The following SBK3 variants were observed in gnomAD, a reference collection of about 807,000 sequenced individuals.
SBK3 encodes SH3 domain binding kinase family member 3, also known as uncharacterized serine/threonine-protein kinase SBK3.
A neutral mutation model predicts 12.7 loss-of-function variants in SBK3; 16 were observed. The observed-to-expected ratio is 1.26, with a 90% CI of 0.86 to 1.92. SBK3 has a LOEUF of 1.92. Ranked by LOEUF, SBK3 falls within the 40% of genes most tolerant of loss-of-function variation. The pLI, the probability that SBK3 is intolerant of heterozygous loss-of-function variation, is 0.00. For missense variants in SBK3, 462 were observed against 481.8 expected (o/e 0.96, Z 0.38); for synonymous variants, 217 against 213.6 (o/e 1.02, Z -0.14).
Position 55,544,315 on chromosome 19 carries a change from T to C in SBK3, c.197-13A>G. 1 of 1,533,982 alleles carries C rather than the reference T, an allele frequency of 6.5e-7. No individual in the cohort carries two copies. The highest frequency in any genetic ancestry group is 1.2e-5 in the South Asian group (1 of 83,890). The stretch of plus-strand genomic sequence containing the variant: ...GCCACAGCTGGACCTGCCAGGGAGA[T>C]GGGTCGGAGGGACACTCAGGCGGCT... On this transcript the variant is annotated splice_polypyrimidine_tract_variant and intron_variant, in intron 2 of 3. Transcript: ENST00000612221.
In SBK3 at chr19:55,541,034, G is replaced by C. The variant is rs35844194; in HGVS notation, c.892C>G (p.Leu298Val). 10 of 1,535,996 alleles carry C rather than the reference G, an allele frequency of 6.5e-6. No individual in the cohort carries two copies. Among genetic ancestry groups the C allele is most frequent in the South Asian group, 4.8e-5 (4 of 84,054 alleles). Residue 298 changes from leucine (L) to valine (V), a missense_variant, in exon 4 of 4, where the codon CTG becomes GTG. Leu to Val is a conservative substitution (Grantham distance 32). Transcript: ENST00000612221. The surrounding 1 kb of genome is among the most constrained non-coding windows in gnomAD (Gnocchi z 5.3). ...DLDPETRSPPLAVLDFLGDDW... is the reference protein window; with the variant it reads ...DLDPETRSPPVAVLDFLGDDW... ...TCCCCCAGGAAGTCCAGGACAGCCA[G>C]TGGGGGGCTCCTAGTCTCGGGATCC...
chr19:55,545,371 G>A lies in SBK3; in HGVS notation c.45+128C>T. ...GATCTCTGTCATCCTCTCTCCCTGG[G>A]TCTGGGTCTCTGAGGTCTTTGCGTT... On this transcript the variant is annotated intron_variant, in intron 1 of 3. Coordinates refer to ENST00000612221, the MANE Select transcript of SBK3 (RefSeq NM_001199824.2). The surrounding 1 kb of genome is among the most constrained non-coding windows in gnomAD (Gnocchi z 4.4). 1 of 734,602 alleles carries A rather than the reference G, an allele frequency of 1.4e-6. No homozygotes were observed. Among genetic ancestry groups the A allele is most frequent in the Non-Finnish European group, 2.3e-6 (1 of 443,592 alleles). The allele number at this position is 734,602 out of a possible 1,614,324, so 45.5% of individuals were successfully genotyped here.
chr19:55,543,304 TCATCCATCCATC>T (rs58908017), intron 3 of SBK3, among the ~76,000 whole-genome samples: 1 of 50,604 alleles, frequency 2.0e-5, no homozygotes, highest in African/African-American at 1.2e-4. Flanking sequence ...ACCAATCCTT[TCATCCATCCATC>T]CATCCATCCA....
intron 2 of SBK3, among the ~76,000 whole-genome samples, 180 bp downstream of exon 2, chr19:55,544,619 C>T (rs578034740): frequency 3.9e-5 from 6 of 152,260 alleles, no homozygotes; most frequent in South Asian, 4.1e-4. Flanking sequence ...GGCAGTCCCT[C>T]GCCCTCTCTG....
In SBK3 at chr19:55,545,502, T is replaced by C. The variant is rs1194450133; in HGVS notation, c.42A>G (p.Pro14=). The change falls in exon 1 of 4, where the codon CCA becomes CCG. Residue 14 remains proline (P), a synonymous_variant. Transcript: ENST00000612221. The surrounding 1 kb of genome is among the most constrained non-coding windows in gnomAD (Gnocchi z 4.4). ...RASETPEDGD[P]EEDTATALQR... Reference sequence around the variant, plus strand: ...TCCCCTGGCTCCCGTCTCTCACCTCTGGGTCCCCATCCTCAGGGGTCTCGG... The same window carrying C: ...TCCCCTGGCTCCCGTCTCTCACCTCCGGGTCCCCATCCTCAGGGGTCTCGG... 1 of 1,534,030 alleles carries C rather than the reference T, an allele frequency of 6.5e-7. No homozygotes were observed. The highest frequency in any genetic ancestry group is 2.4e-5 in the East Asian group (1 of 40,820).
intron 3 of SBK3, among the ~76,000 whole-genome samples, chr19:55,542,846 ACCCACCAATCCT>A (rs2086662905): frequency 1.4e-5 from 2 of 143,316 alleles, no homozygotes; most frequent in Admixed American, 6.9e-5. Flanking sequence ...CCGTCCATCC[ACCCACCAATCCT>A]TCCTTCCATC....
At position 55,544,797 on chromosome 19, in the gene SBK3, A is replaced by AC. The variant is rs1266498385; in HGVS notation, c.196+1dup. ...AGGCTGCCCTTGGGTGGCTGAACTCACCCCCCTGGTGAGGCTGGGCAAGGA... is the reference window on the plus strand; with the variant it reads ...AGGCTGCCCTTGGGTGGCTGAACTCACCCCCCCTGGTGAGGCTGGGCAAGGA... On this transcript the variant is annotated splice_donor_variant, in intron 2 of 3. Transcript: ENST00000612221. LOFTEE classifies it high-confidence loss of function. 2 of 1,490,708 alleles carry AC rather than the reference A, an allele frequency of 1.3e-6. No homozygotes were observed. The highest frequency in any genetic ancestry group is 1.8e-6 in the Non-Finnish European group (2 of 1,124,882). 92.3% of individuals were successfully genotyped at this position (1,490,708 alleles called of 1,614,324 possible).
Position 55,541,377 on chromosome 19 carries a change from G to A in SBK3, c.549C>T (p.Asp183=). 6.5e-7 allele frequency: 1 copy of A among 1,535,740 alleles called. No homozygotes were observed. Among genetic ancestry groups the A allele is most frequent in the Non-Finnish European group, 8.7e-7 (1 of 1,146,772 alleles). The stretch of plus-strand genomic sequence containing the variant: ...TGCCCTCTGGCCGGGTCAGACCCAG[G>A]TCTCCCAGGGCCACACGGCTGCAGA... ...DPVCSRVALG[D]LGLTRPEGSP... Residue 183 remains aspartate, a synonymous_variant, in exon 4 of 4, where the codon GAC becomes GAT. Transcript: ENST00000612221. This position sits in a 1 kb window ranked among gnomAD's most constrained non-coding sequence, Gnocchi z 5.3.
In SBK3 at chr19:55,544,244, C is replaced by T. The variant is rs1367509821; in HGVS notation, c.255G>A (p.Leu85=). Reference sequence around the variant, plus strand: ...CGCAGCGGCCCACACAGAACTCCCTCAGGAAGGTGCTTCTCAGGACCAAAT... The same window carrying T: ...CGCAGCGGCCCACACAGAACTCCCTTAGGAAGGTGCTTCTCAGGACCAAAT... ...RRDLVLRSTF[L]REFCVGRCVS... is the part of the protein sequence containing the mutation. The change falls in exon 3 of 4, where the codon CTG becomes CTA. Residue 85 remains leucine, a synonymous_variant. Coordinates refer to ENST00000612221, the MANE Select transcript of SBK3 (RefSeq NM_001199824.2). 14 of 1,535,994 alleles carry T rather than the reference C, an allele frequency of 9.1e-6. No homozygotes were observed. Among genetic ancestry groups the T allele is most frequent in the Non-Finnish European group, 1.1e-5 (13 of 1,146,868 alleles).
chr19:55,544,109 C>G lies in SBK3; in HGVS notation c.390G>C (p.Leu130=), dbSNP rs371877016. The G allele has an allele frequency of 1.2e-4, 176 of 1,491,038 alleles. 1 individual carries two copies. In the African/African-American group the frequency reaches 2.2e-3, roughly 19 times the overall value. 92.4% of individuals were successfully genotyped at this position (1,491,038 alleles called of 1,614,324 possible). ...TCCCTCGTGGCCTCACCCTTTCCTG[C>G]AGCATCCCGCTGAGGTCCCCACAGG... ...YAPCGDLSGM[L]QERGLPELLV... The change falls in exon 3 of 4, where the codon CTG becomes CTC. Residue 130 remains leucine, a synonymous_variant. Transcript: ENST00000612221.
rs1988551291 is a variant in SBK3 at position 55,541,080 on chromosome 19, C to T, written c.846G>A (p.Leu282=). ...WDQFAPPALA[L]LQGLLDLDPE... ...GATCCAGGTCCAGAAGCCCCTGGAGCAAGGCCAGGGCTGGGGGCGCAAACT... is the reference window on the plus strand; with the variant it reads ...GATCCAGGTCCAGAAGCCCCTGGAGTAAGGCCAGGGCTGGGGGCGCAAACT... The change falls in exon 4 of 4, where the codon TTG becomes TTA. Residue 282 remains leucine (L), a synonymous_variant. Coordinates refer to ENST00000612221, the MANE Select transcript of SBK3 (RefSeq NM_001199824.2). The surrounding 1 kb of genome is among the most constrained non-coding windows in gnomAD (Gnocchi z 5.3). The T allele has an allele frequency of 6.5e-7, 1 of 1,535,862 alleles. No individual in the cohort carries two copies. Among genetic ancestry groups the T allele is most frequent in the African/African-American group, 1.4e-5 (1 of 73,030 alleles).
chr19:55,543,298 A>G (rs926870006), intron 3 of SBK3, among the ~76,000 whole-genome samples: 3 of 123,288 alleles, frequency 2.4e-5, no homozygotes, highest in African/African-American at 1.0e-4. Context: ...TCACCCACCA[A>G]TCCTTTCATC....
Position 55,540,821 on chromosome 19 carries a change from C to T in SBK3, c.*25G>A. ...GGGGGAAGGGCCTCTGGCCCAGGCTCTGGCCACCTGTCTCTGTCACCTGGT... is the reference window on the plus strand; with the variant it reads ...GGGGGAAGGGCCTCTGGCCCAGGCTTTGGCCACCTGTCTCTGTCACCTGGT... On this transcript the variant is annotated 3_prime_UTR_variant, in exon 4 of 4. Coordinates refer to ENST00000612221, the MANE Select transcript of SBK3 (RefSeq NM_001199824.2). 1 of 1,533,004 alleles carries T rather than the reference C, an allele frequency of 6.5e-7. No homozygotes were observed. Among genetic ancestry groups the T allele is most frequent in the Non-Finnish European group, 8.7e-7 (1 of 1,144,140 alleles). The allele number at this position is 1,533,004 out of a possible 1,614,324, so 95.0% of individuals were successfully genotyped here. A position where few individuals can be genotyped will look rare whatever the true frequency, so the allele number is the denominator to read the frequency against.
chr19:55,544,790 TG>T lies in SBK3; in HGVS notation c.196+8del. 6.7e-7 allele frequency: 1 copy of T among 1,486,716 alleles called. No homozygotes were observed. Among genetic ancestry groups the T allele is most frequent in the Non-Finnish European group, 8.9e-7 (1 of 1,122,818 alleles). 92.1% of individuals were successfully genotyped at this position (1,486,716 alleles called of 1,614,324 possible). On this transcript the variant is annotated splice_region_variant and intron_variant, in intron 2 of 3. Transcript: ENST00000612221. ...GTTGGGGAGGCTGCCCTTGGGTGGC[TG>T]AACTCACCCCCCTGGTGAGGCTGGG...
At chr19:55,543,017 C>G (rs1395006063) in intron 3 of SBK3, among the ~76,000 whole-genome samples, 1 of 124,762 alleles carries the variant, frequency 8.0e-6, no homozygotes, top group Non-Finnish European at 1.7e-5. Flanking sequence ...CCCGTCCACT[C>G]AACCAATCCT....
Position 55,545,314 on chromosome 19 carries a change from T to G in SBK3, c.45+185A>C, listed in dbSNP as rs1988651391. On this transcript the variant is annotated intron_variant, in intron 1 of 3. Transcript: ENST00000612221. The surrounding 1 kb of genome is among the most constrained non-coding windows in gnomAD (Gnocchi z 4.4). ...CGCTGTGTGTTTCTGAGTCCAATTC[T>G]CTGGGGGCCTTGGTCTCGCTGTGTG... 1 of 601,414 alleles carries G rather than the reference T, an allele frequency of 1.7e-6. No individual in the cohort carries two copies. The highest frequency in any genetic ancestry group is 3.0e-5 in the Admixed American group (1 of 33,594). 37.3% of individuals were successfully genotyped at this position (601,414 alleles called of 1,614,324 possible).
intron 3 of SBK3, 100 bp downstream of exon 3, chr19:55,544,000 C>T (rs527261123): frequency 1.0e-5 from 10 of 1,003,324 alleles, no homozygotes; most frequent in South Asian, 7.4e-5. Flanking sequence ...ATGGATTGGG[C>T]GGGCCCTGAT....
In SBK3 at chr19:55,544,132, A is replaced by G. The variant is rs1225880404; in HGVS notation, c.367T>C (p.Cys123Arg). The G allele has an allele frequency of 2.0e-6, 3 of 1,526,978 alleles. No homozygotes were observed. The highest frequency in any genetic ancestry group is 2.6e-6 in the Non-Finnish European group (3 of 1,142,536). The allele number at this position is 1,526,978 out of a possible 1,614,324, so 94.6% of individuals were successfully genotyped here. Reference sequence around the variant, plus strand: ...TGCAGCATCCCGCTGAGGTCCCCACAGGGCGCGTACTCCTGGGCGAAGGCA... The same window carrying G: ...TGCAGCATCCCGCTGAGGTCCCCACGGGGCGCGTACTCCTGGGCGAAGGCA... ...YFAFAQEYAP[C>R]GDLSGMLQER... The change falls in exon 3 of 4, where the codon TGT (cysteine) becomes CGT (arginine). Residue 123 changes from cysteine (C) to arginine (R), a missense_variant. Cys to Arg is a radical substitution (Grantham distance 180). Transcript: ENST00000612221.
chr19:55,545,142 G>A lies in SBK3; in HGVS notation c.46-193C>T, dbSNP rs574027772. On this transcript the variant is annotated intron_variant, in intron 1 of 3. Transcript: ENST00000612221. The surrounding 1 kb of genome is among the most constrained non-coding windows in gnomAD (Gnocchi z 4.4). ...TGTTTTTGTGTCCTGGAGAGGTTAG[G>A]GGTCACTGCCACAGAGGCCCCGCCT... The A allele has an allele frequency of 1.7e-6, 1 of 590,736 alleles. No individual in the cohort carries two copies. Among genetic ancestry groups the A allele is most frequent in the East Asian group, 2.9e-5 (1 of 34,184 alleles). The allele number at this position is 590,736 out of a possible 1,614,324, so 36.6% of individuals were successfully genotyped here.
Sources: allele counts gnomAD v4.1 joint callset (sites outside exome capture counted in the v4.1 genomes callset), GRCh38; gene constraint gnomAD v4.1.1; non-coding constraint Gnocchi (gnomAD v3.1); transcripts MANE v1.5; gene names NCBI Gene and HGNC (gene_info 2026-07-23, HGNC 2026-07-21).